ADAM22: variants seen among roughly 807,000 people sequenced by gnomAD.
ADAM22 encodes the protein ADAM metallopeptidase domain 22.
Under a neutral mutation model 144.6 loss-of-function variants are expected in ADAM22, and 65 were observed. The observed-to-expected ratio is 0.45, with a 90% CI of 0.37 to 0.55. ADAM22 has a LOEUF of 0.55. ADAM22 is among the 20% of genes least tolerant of loss of function. The probability of loss-of-function intolerance (pLI) is 0.00; values close to 1 mark genes in which losing one functional copy is unlikely to be tolerated. For synonymous variants in ADAM22, 391 were observed against 412.6 expected (o/e 0.95, Z 0.63); for missense variants, 974 against 1,184.9 (o/e 0.82, Z 2.61).
chr7:87,936,219 A>G (rs1027645355), intron 2 of ADAM22, among the ~76,000 whole-genome samples: 1 of 151,518 alleles, frequency 6.6e-6, no homozygotes, highest in Non-Finnish European at 1.5e-5. Flanking sequence ...TACTGTTAAC[A>G]TTTTGTTAAT....
intron 3 of ADAM22, among the ~76,000 whole-genome samples, chr7:88,002,885 G>A (rs374379093): frequency 3.9e-5 from 6 of 152,112 alleles, no homozygotes; most frequent in Non-Finnish European, 7.4e-5. Flanking sequence ...TAAAGGAATG[G>A]GATTAGGAAA....
intron 3 of ADAM22, among the ~76,000 whole-genome samples, chr7:88,065,595 AT>A (rs1247562139): frequency 6.6e-6 from 1 of 151,930 alleles, no homozygotes; most frequent in African/African-American, 2.4e-5. Flanking sequence ...GACAATATAT[AT>A]TTTTTATTTC....
At chr7:88,130,273 A>ATT (rs200875448) in intron 9 of ADAM22, 115 bp from the exon 10 acceptor site, 3,370 of 621,884 alleles carry the variant, frequency 5.4e-3, no homozygotes, top group East Asian at 0.012. Flanking sequence ...TACAGAAAAG[A>ATT]TTTTTTTTTT....
At chr7:87,946,563 G>T (rs1027718749) in intron 2 of ADAM22, among the ~76,000 whole-genome samples, 3 of 152,066 alleles carry the variant, frequency 2.0e-5, no homozygotes, top group African/African-American at 4.8e-5. Flanking sequence ...TCATTCTTCC[G>T]CATATAACTA....
At chr7:88,174,556 A>G (rs778040980) in intron 26 of ADAM22, among the ~76,000 whole-genome samples, 21 of 152,284 alleles carry the variant, frequency 1.4e-4, no homozygotes, top group East Asian at 7.7e-4. Flanking sequence ...CTTAGAAGCT[A>G]TATGACTTGT....
At chr7:87,948,150 T>A (rs1401146823) in intron 2 of ADAM22, among the ~76,000 whole-genome samples, 1 of 152,180 alleles carries the variant, frequency 6.6e-6, no homozygotes, top group East Asian at 1.9e-4. Flanking sequence ...TCATTCGGTA[T>A]GACCCTTGGT....
chr7:88,129,636 C>A (rs986692916), intron 9 of ADAM22, among the ~76,000 whole-genome samples: 1 of 151,928 alleles, frequency 6.6e-6, no homozygotes, highest in Non-Finnish European at 1.5e-5. Context: ...TTTAGATCGT[C>A]ACAAATTCAG....
chr7:87,978,295 G>T (rs1852395482), intron 2 of ADAM22, 41 bp from the exon 3 acceptor site: 1 of 1,473,368 alleles, frequency 6.8e-7, no homozygotes, highest in Non-Finnish European at 9.5e-7. Context: ...TGATTAGTAT[G>T]GCTGAGTAAT....
rs201224958 is a variant in ADAM22 at position 87,999,987 on chromosome 7, T to TA, written c.323+21592dup. ...GGGCAATATAGTGAGAGCACATCTCTAAAAAAAAAAAAAAAAATTATTTGC... is the reference window on the plus strand; with the variant it reads ...GGGCAATATAGTGAGAGCACATCTCTAAAAAAAAAAAAAAAAAATTATTTGC... On this transcript the variant is annotated intron_variant, in intron 3 of 31. Coordinates refer to ENST00000413139, the MANE Select transcript of ADAM22 (RefSeq NM_001324418.2). 2.7e-3 allele frequency among the ~76,000 whole-genome samples: 360 copies of TA among 132,014 alleles called. 1 individual carries two copies. Among genetic ancestry groups the TA allele is most frequent in the Middle Eastern group, 7.9e-3 (2 of 254 alleles). 86.6% of individuals were successfully genotyped at this position (132,014 alleles called of 152,430 possible).
chr7:88,190,169 C>A (rs962330163), intron 30 of ADAM22, among the ~76,000 whole-genome samples: 3 of 152,196 alleles, frequency 2.0e-5, no homozygotes. Context: ...CACCACAATC[C>A]ATTGGCACAC....
intron 3 of ADAM22, among the ~76,000 whole-genome samples, chr7:88,008,643 C>T (rs1273303448): frequency 8.6e-5 from 13 of 150,920 alleles, no homozygotes; most frequent in South Asian, 2.1e-4. Context: ...AGTAAACTAT[C>T]GCAAGGACAA....
intron 5 of ADAM22, 47 bp from the exon 6 acceptor site, chr7:88,114,537 G>T: frequency 2.5e-6 from 4 of 1,569,620 alleles, no homozygotes; most frequent in Non-Finnish European, 3.5e-6. Flanking sequence ...TCTTGTTCTG[G>T]GATGAGAGTC....
intron 3 of ADAM22, among the ~76,000 whole-genome samples, chr7:88,039,877 T>C (rs528873234): frequency 6.6e-6 from 1 of 152,048 alleles, no homozygotes; most frequent in South Asian, 2.1e-4. Context: ...TCCTCAAAAC[T>C]CTTAATAGTA....
At chr7:88,010,432 A>G (rs1428317261) in intron 3 of ADAM22, among the ~76,000 whole-genome samples, 2 of 152,098 alleles carry the variant, frequency 1.3e-5, no homozygotes, top group African/African-American at 2.4e-5. Flanking sequence ...GGTCGCCTGG[A>G]TTTATATATT....
chr7:87,949,934 T>C (rs2131376261), intron 2 of ADAM22, among the ~76,000 whole-genome samples: 1 of 150,712 alleles, frequency 6.6e-6, no homozygotes, highest in Non-Finnish European at 1.5e-5. Flanking sequence ...TATAAAATAT[T>C]TATATTCTTT....
At chr7:87,935,290 A>G (rs1840970750) in intron 2 of ADAM22, 104 bp downstream of exon 2, 20 of 1,309,820 alleles carry the variant, frequency 1.5e-5, no homozygotes, top group Non-Finnish European at 1.9e-5. Context: ...TCTTGGGTGA[A>G]ATGAGTTGGG....
At chr7:87,947,709 T>A (rs1844052638) in intron 2 of ADAM22, among the ~76,000 whole-genome samples, 1 of 152,190 alleles carries the variant, frequency 6.6e-6, no homozygotes, top group Non-Finnish European at 1.5e-5. Context: ...GACATCTACT[T>A]GCGGTCTTTG....
chr7:88,046,108 T>C (rs1480307499), intron 3 of ADAM22, among the ~76,000 whole-genome samples: 1 of 152,166 alleles, frequency 6.6e-6, no homozygotes, highest in Non-Finnish European at 1.5e-5. Flanking sequence ...GATCATATCA[T>C]AGTTCTATTT....
chr7:88,077,535 C>T (rs1224376400), intron 4 of ADAM22, among the ~76,000 whole-genome samples: 1 of 152,218 alleles, frequency 6.6e-6, no homozygotes, highest in Non-Finnish European at 1.5e-5. Context: ...TGAGCCAAAG[C>T]AGTGCGAGGC....
Sources: allele counts gnomAD v4.1 joint callset (sites outside exome capture counted in the v4.1 genomes callset), GRCh38; gene constraint gnomAD v4.1.1; transcripts MANE v1.5; gene names NCBI Gene and HGNC (gene_info 2026-07-23, HGNC 2026-07-21).